Variants in MBD5 observed in about 807,000 individuals in gnomAD.
The protein encoded by MBD5 is methyl-CpG-binding domain protein 5.
Under a neutral mutation model 117.3 loss-of-function variants are expected in MBD5, and 13 were observed. The observed-to-expected ratio is 0.11, with a 90% CI of 0.07 to 0.18. MBD5 has a LOEUF of 0.18. Among genes scored for constraint, MBD5 ranks in the 10% least tolerant of loss-of-function variants. MBD5 has a pLI of 1.00. For synonymous variants in MBD5, 727 were observed against 766.4 expected (o/e 0.95, Z 0.85); for missense variants, 1,879 against 2,093.8 (o/e 0.90, Z 2.00).
At chr2:148,085,453 G>A (rs368942250) in intron 1 of MBD5, among the ~76,000 whole-genome samples, 123 of 152,210 alleles carry the variant, frequency 8.1e-4, no homozygotes, top group African/African-American at 2.9e-3. Context: ...GGCCGGGCGC[G>A]GTGGCTCACG....
rs1214506628 is a variant in MBD5 at position 148,060,378 on chromosome 2, T to TA, written c.-925+38705dup. On this transcript the variant is annotated intron_variant, in intron 1 of 13. Transcript: ENST00000642680. ...ATATATCTTTTAATTGTATGTTTTG[T>TA]AAAAAAAAAAAGAACAAATTTTATC... Among the ~76,000 whole-genome samples the TA allele has an allele frequency of 8.6e-3, 1,251 of 145,134 alleles. 11 individuals are homozygous for TA. The highest frequency in any genetic ancestry group is 0.026 in the African/African-American group (1,034 of 39,800).
At chr2:148,495,746 G>A (rs1047190517) in intron 11 of MBD5, among the ~76,000 whole-genome samples, 1 of 152,148 alleles carries the variant, frequency 6.6e-6, no homozygotes, top group Non-Finnish European at 1.5e-5. Flanking sequence ...GTTATTTCTG[G>A]CAAGTAGAGA....
chr2:148,252,461 A>C (rs901403802), intron 3 of MBD5, among the ~76,000 whole-genome samples: 4 of 151,006 alleles, frequency 2.6e-5, no homozygotes, highest in Admixed American at 2.0e-4. Flanking sequence ...ATCCTGTCTC[A>C]AAAGGAAAAA....
At chr2:148,196,672 T>A (rs1698996783) in intron 2 of MBD5, among the ~76,000 whole-genome samples, 1 of 152,330 alleles carries the variant, frequency 6.6e-6, no homozygotes, top group South Asian at 2.1e-4. Flanking sequence ...GTAGATCATA[T>A]GGTAACCTAG....
chr2:148,024,735 C>A (rs1054852844), intron 1 of MBD5, among the ~76,000 whole-genome samples: 1 of 152,108 alleles, frequency 6.6e-6, no homozygotes, highest in Non-Finnish European at 1.5e-5. Flanking sequence ...GACATATTCC[C>A]TTCTTATACA....
rs1314537133 is a variant in MBD5 at position 148,127,631 on chromosome 2, G to A, written c.-924-51069G>A. Among the ~76,000 whole-genome samples, 11 of 152,074 alleles carry A rather than the reference G, an allele frequency of 7.2e-5. 1 individual carries two copies. The highest frequency in any genetic ancestry group is 1.2e-4 in the Non-Finnish European group (8 of 68,002). ...CCACATTTTCTTTATTTAGTCTATC[G>A]TTGATGGGTATTTGGGTTGATTCCA... On this transcript the variant is annotated intron_variant, in intron 1 of 13. Coordinates refer to ENST00000642680, the MANE Select transcript of MBD5 (RefSeq NM_001378120.1).
chr2:148,446,602 C>CTGTGTGTGGTGTG (rs1553516219), intron 4 of MBD5, among the ~76,000 whole-genome samples: 57 of 148,898 alleles, frequency 3.8e-4, no homozygotes, highest in African/African-American at 1.4e-3. Context: ...GATTATTTAT[C>CTGTGTGTGGTGTG]TGTGTGTGTG....
intron 4 of MBD5, among the ~76,000 whole-genome samples, chr2:148,349,845 T>C (rs1026256171): frequency 1.2e-4 from 18 of 152,004 alleles, no homozygotes; most frequent in African/African-American, 3.9e-4. Context: ...CCTAACATAG[T>C]AGAACACAAT....
Position 148,463,591 on chromosome 2 carries a change from T to C in MBD5, c.217-148T>C. On this transcript the variant is annotated intron_variant, in intron 6 of 13. Coordinates refer to ENST00000642680, the MANE Select transcript of MBD5 (RefSeq NM_001378120.1). The stretch of plus-strand genomic sequence containing the variant: ...GAGTTCAGCAGAAGTACTTACTAAG[T>C]TATATAAAGTTGCCTTTCTTAAAAA... 3.6e-6 allele frequency: 3 copies of C among 831,330 alleles called. No individual in the cohort carries two copies. The East Asian group carries it at 7.4e-5, about 21-fold the overall frequency. 51.5% of individuals were successfully genotyped at this position (831,330 alleles called of 1,614,324 possible). A position where few individuals can be genotyped will look rare whatever the true frequency, so the allele number is the denominator to read the frequency against.
chr2:148,365,524 T>G (rs1164042775), intron 4 of MBD5, among the ~76,000 whole-genome samples: 1 of 151,752 alleles, frequency 6.6e-6, no homozygotes, highest in African/African-American at 2.4e-5. Flanking sequence ...CTTCAAAAAT[T>G]CAAGGAATTG....
chr2:148,207,053 A>G (rs534452536), intron 2 of MBD5, among the ~76,000 whole-genome samples: 42 of 152,358 alleles, frequency 2.8e-4, no homozygotes, highest in African/African-American at 9.9e-4. Context: ...TTCCTGCCTT[A>G]AAGAAACCAT....
intron 3 of MBD5, among the ~76,000 whole-genome samples, chr2:148,331,943 T>C (rs1474496370): frequency 6.6e-6 from 1 of 152,126 alleles, no homozygotes; most frequent in Non-Finnish European, 1.5e-5. Flanking sequence ...TATCAAACAA[T>C]GAGTTTATGT....
intron 2 of MBD5, among the ~76,000 whole-genome samples, chr2:148,232,180 C>T (rs1320704595): frequency 2.0e-5 from 3 of 152,176 alleles, no homozygotes; most frequent in African/African-American, 7.2e-5. Context: ...ACTAAGGCTA[C>T]AGAATACGAA....
chr2:148,245,502 T>G (rs943899886), intron 3 of MBD5, among the ~76,000 whole-genome samples: 1 of 151,926 alleles, frequency 6.6e-6, no homozygotes, highest in African/African-American at 2.4e-5. Flanking sequence ...GAGGCTGCAG[T>G]GGGAAGATGG....
intron 1 of MBD5, among the ~76,000 whole-genome samples, chr2:148,169,834 G>A (rs540567828): frequency 1.3e-3 from 191 of 152,070 alleles, no homozygotes; most frequent in Middle Eastern, 3.4e-3. Flanking sequence ...CGGTGGACAG[G>A]ATTTAGAATT....
At chr2:148,147,337 G>T (rs1472433507) in intron 1 of MBD5, among the ~76,000 whole-genome samples, 1 of 151,814 alleles carries the variant, frequency 6.6e-6, no homozygotes, top group African/African-American at 2.4e-5. Flanking sequence ...CTGCCTCCTA[G>T]ATTCAAGCGA....
At chr2:148,291,887 G>T (rs12466152) in intron 3 of MBD5, among the ~76,000 whole-genome samples, 4,115 of 152,270 alleles carry the variant, frequency 0.027, 94 homozygotes, top group African/African-American at 0.056. Context: ...CAATGGAACA[G>T]AATGAGAACC....
chr2:148,357,113 T>C (rs1574329089), intron 4 of MBD5, among the ~76,000 whole-genome samples: 2 of 152,134 alleles, frequency 1.3e-5, no homozygotes, highest in South Asian at 4.1e-4. Context: ...TGCATCCACA[T>C]TAGAAAAGGA....
intron 1 of MBD5, among the ~76,000 whole-genome samples, chr2:148,112,415 A>G (rs1696522781): frequency 6.6e-6 from 1 of 152,200 alleles, no homozygotes; most frequent in African/African-American, 2.4e-5. Context: ...TACCATTTAT[A>G]AGGTTTCTTG....
Sources: gnomAD v4.1 joint callset for allele counts (sites outside exome capture counted in the v4.1 genomes callset) on GRCh38, gnomAD v4.1.1 for gene constraint, MANE v1.5 for transcripts, NCBI Gene and HGNC (gene_info 2026-07-23, HGNC 2026-07-21) for gene names.